Variants in MANBA observed in about 807,000 individuals in gnomAD.
The protein encoded by MANBA is beta-mannosidase.
MANBA carries 83 observed loss-of-function variants against 111.1 expected under a neutral mutation model. The observed-to-expected ratio is 0.75, with a 90% CI of 0.63 to 0.90. The LOEUF is 0.90. MANBA is among the 40% of genes least tolerant of loss of function. The pLI is 0.00. For synonymous variants in MANBA, 370 were observed against 378.7 expected, an observed-to-expected ratio of 0.98 and a Z score of 0.27; for missense variants, 1,036 against 1,069.0, an observed-to-expected ratio of 0.97 and a Z score of 0.43.
chr4:102,656,358 C>T (rs1414606605), intron 12 of MANBA, among the ~76,000 whole-genome samples: 2 of 152,050 alleles, frequency 1.3e-5, no homozygotes, highest in Non-Finnish European at 2.9e-5. Context: ...ACATGATTAG[C>T]CATCAAGGAT....
intron 5 of MANBA, among the ~76,000 whole-genome samples, chr4:102,704,106 AC>A (rs1341303611): frequency 9.4e-5 from 14 of 149,046 alleles, no homozygotes; most frequent in African/African-American, 2.6e-4. Context: ...AAAAAAAAAA[AC>A]CAAAAAATTT....
chr4:102,698,787 G>A (rs1732864464), intron 5 of MANBA, among the ~76,000 whole-genome samples: 3 of 150,964 alleles, frequency 2.0e-5, no homozygotes, highest in Non-Finnish European at 4.5e-5. Context: ...AAGTCAGGTA[G>A]TGTGATGCCT....
chr4:102,753,092 T>C (rs1251852558), intron 1 of MANBA, among the ~76,000 whole-genome samples: 1 of 152,142 alleles, frequency 6.6e-6, no homozygotes, highest in Admixed American at 6.5e-5. Context: ...TAAGAACACA[T>C]CTTTATAATG....
chr4:102,712,467 C>G (rs1722116302), intron 5 of MANBA, among the ~76,000 whole-genome samples: 2 of 151,826 alleles, frequency 1.3e-5, no homozygotes, highest in Admixed American at 6.6e-5. Context: ...TTGCAGACCA[C>G]CCAAAATACT....
intron 9 of MANBA, chr4:102,670,978 G>A (rs1731470635): frequency 5.0e-6 from 1 of 199,724 alleles, no homozygotes; most frequent in Admixed American, 5.4e-5. Context: ...TCCTTTAAGT[G>A]TTTTAAATAT....
chr4:102,747,253 A>G (rs1723623697), intron 1 of MANBA, among the ~76,000 whole-genome samples: 1 of 152,076 alleles, frequency 6.6e-6, no homozygotes, highest in Non-Finnish European at 1.5e-5. Flanking sequence ...AGAAGCAAGG[A>G]AGCCAGTCTG....
chr4:102,697,339 ATCTT>A (rs1349013432), intron 5 of MANBA, among the ~76,000 whole-genome samples: 2 of 151,508 alleles, frequency 1.3e-5, no homozygotes, highest in African/African-American at 4.9e-5. Flanking sequence ...AGACTGACAA[ATCTT>A]TATTTTATTT....
At chr4:102,632,302 T>TGAATGAAGTGAAGGATGAGGGAA (rs749611355) in intron 16 of MANBA, 21 bp from the exon 17 acceptor site, 21 of 1,370,642 alleles carry the variant, frequency 1.5e-5, no homozygotes, top group Non-Finnish European at 2.1e-5. Flanking sequence ...AAAAAAAAAA[T>TGAATGAAGTGAAGGATGAGGGAA]GAATGAAGTG....
chr4:102,705,936 C>A (rs1009484965), intron 5 of MANBA, among the ~76,000 whole-genome samples: 2 of 152,228 alleles, frequency 1.3e-5, no homozygotes, highest in Non-Finnish European at 2.9e-5. Context: ...GTGCCACCTA[C>A]GGGCCTGGGG....
chr4:102,742,972 A>G (rs1258188747), intron 1 of MANBA, among the ~76,000 whole-genome samples: 1 of 152,192 alleles, frequency 6.6e-6, no homozygotes, highest in Non-Finnish European at 1.5e-5. Context: ...CATGTTGCTG[A>G]GTCCATGTGT....
chr4:102,670,261 C>A (rs1284289348), intron 9 of MANBA, among the ~76,000 whole-genome samples: 3 of 151,666 alleles, frequency 2.0e-5, no homozygotes, highest in African/African-American at 7.3e-5. Flanking sequence ...AAATATATAA[C>A]CTCTTCATGT....
chr4:102,660,846 T>C (rs1228675267), intron 11 of MANBA, among the ~76,000 whole-genome samples: 1 of 151,438 alleles, frequency 6.6e-6, no homozygotes, highest in Non-Finnish European at 1.5e-5. Context: ...GAGTTCTTAG[T>C]TGTTATAACT....
chr4:102,716,592 T>C (rs1722343456), intron 4 of MANBA, among the ~76,000 whole-genome samples: 1 of 152,194 alleles, frequency 6.6e-6, no homozygotes, highest in Non-Finnish European at 1.5e-5. Context: ...AATTCAAAAA[T>C]AAGAAATAAT....
At chr4:102,681,471 T>G (rs1056298591) in intron 7 of MANBA, 12 of 152,218 alleles carry the variant, frequency 7.9e-5, no homozygotes, top group Admixed American at 2.0e-4. Context: ...AAAATAAATT[T>G]CAATTCTAAA....
chr4:102,719,362 C>A (rs886470639), intron 4 of MANBA, among the ~76,000 whole-genome samples: 2 of 152,200 alleles, frequency 1.3e-5, no homozygotes, highest in Admixed American at 6.5e-5. Flanking sequence ...ATCTTCCCTT[C>A]TTCCCTGAAA....
chr4:102,637,219 T>C (rs1729672090), intron 14 of MANBA, among the ~76,000 whole-genome samples: 1 of 152,178 alleles, frequency 6.6e-6, no homozygotes, highest in South Asian at 2.1e-4. Context: ...TAATACAGGT[T>C]CCTAGCTCAC....
intron 1 of MANBA, chr4:102,752,375 C>A: frequency 1.6e-6 from 2 of 1,272,520 alleles, no homozygotes; most frequent in Non-Finnish European, 2.3e-6. Flanking sequence ...AAAGACCATT[C>A]TTTGGTGTCA....
At chr4:102,717,185 G>T (rs942946389) in intron 4 of MANBA, among the ~76,000 whole-genome samples, 1 of 152,004 alleles carries the variant, frequency 6.6e-6, no homozygotes, top group Non-Finnish European at 1.5e-5. Flanking sequence ...TATGTTTCAG[G>T]CTGGGAGTAC....
At chr4:102,724,493 A>G (rs1483860595) in intron 2 of MANBA, among the ~76,000 whole-genome samples, 4 of 150,226 alleles carry the variant, frequency 2.7e-5, no homozygotes, top group Non-Finnish European at 5.9e-5. Context: ...CAGGAGGCGG[A>G]GGTTGCAGTG....
Sources: allele counts gnomAD v4.1 joint callset (sites outside exome capture counted in the v4.1 genomes callset), GRCh38; gene constraint gnomAD v4.1.1; transcripts MANE v1.5; gene names NCBI Gene and HGNC (gene_info 2026-07-23, HGNC 2026-07-21).